ZNF503: variants seen among roughly 807,000 people sequenced by gnomAD.
ZNF503 encodes NocA-like zinc finger 2.
In ZNF503, 15 loss-of-function variants were observed where a neutral mutation model predicts 34.4. The ratio of observed to expected loss-of-function variants is 0.44; its 90% CI spans 0.29 to 0.67. ZNF503 has a LOEUF of 0.67. ZNF503 is among the 30% of genes least tolerant of loss of function. ZNF503 has a pLI of 0.13. For missense variants in ZNF503, 1,007 were observed against 926.8 expected, an observed-to-expected ratio of 1.09 and a Z score of -1.12; for synonymous variants, 580 against 456.8, an observed-to-expected ratio of 1.27 and a Z score of -3.44.
the ZNF503 span, chr10:75,373,266 G>C: frequency 5.9e-5 from 9 of 152,220 alleles, no homozygotes; most frequent in Non-Finnish European, 8.8e-5. Flanking sequence ...AGGCACAAAG[G>C]CCAGCCCTTT....
In ZNF503 at chr10:75,398,997, C is replaced by G. The variant is rs746442862; in HGVS notation, c.1693G>C (p.Ala565Pro). Residue 565 changes from alanine to proline, a missense_variant, in exon 2 of 2, where the codon GCC becomes CCC. By Grantham distance (27) the Ala-to-Pro change is conservative. Transcript: ENST00000372524. ...YPSSSSLASA[A>P]AAAMACHMHI... ...ATGTGGCAAGCCATGGCGGCCGCGG[C>G]AGCGCTGGCCAGAGACGACGAGCTG... 8.1e-6 allele frequency: 13 copies of G among 1,606,992 alleles called. No individual in the cohort carries two copies. Among genetic ancestry groups the G allele is most frequent in the Non-Finnish European group, 9.3e-6 (11 of 1,179,324 alleles).
chr10:75,361,691 G>C, the ZNF503 span: 1 of 152,170 alleles, frequency 6.6e-6, no homozygotes, highest in Non-Finnish European at 1.5e-5. Flanking sequence ...TTTCTTTTCA[G>C]ATGTGTGTCT....
chr10:75,389,598 C>T, the ZNF503 span, among the ~76,000 whole-genome samples: 9 of 152,182 alleles, frequency 5.9e-5, no homozygotes, highest in Non-Finnish European at 7.4e-5. Flanking sequence ...GATGTGGTGG[C>T]GCATGCCTGT....
Position 75,399,394 on chromosome 10 carries a change from G to C in ZNF503, c.1296C>G (p.Cys432Trp). Residue 432 changes from cysteine (C) to tryptophan (W), a missense_variant, in exon 2 of 2, where the codon TGC becomes TGG. By Grantham distance (215) the Cys-to-Trp change is radical (BLOSUM62 -2). Transcript: ENST00000372524. ...MTASLCRDPYCLSYHCASHLA... is the reference protein window; with the variant it reads ...MTASLCRDPYWLSYHCASHLA... ...GGTGGCTAGCGCAGTGGTAGCTGAG[G>C]CAGTAAGGGTCCCGGCACAAACTGG... is the stretch of plus-strand genomic sequence containing the variant. 1 of 1,605,976 alleles carries C rather than the reference G, an allele frequency of 6.2e-7. No individual in the cohort carries two copies.
chr10:75,280,901 C>T, the ZNF503 span, among the ~76,000 whole-genome samples: 1 of 152,002 alleles, frequency 6.6e-6, no homozygotes. Context: ...GTAGAATGTT[C>T]CAGGTGGAGG....
chr10:75,335,225 C>T, the ZNF503 span, among the ~76,000 whole-genome samples: 4 of 152,066 alleles, frequency 2.6e-5, no homozygotes, highest in East Asian at 1.9e-4. Flanking sequence ...TGTGTGTAAA[C>T]TTAGAAAAGT....
At chr10:75,378,854 ATT>A in the ZNF503 span, among the ~76,000 whole-genome samples, 1 of 152,030 alleles carries the variant, frequency 6.6e-6, no homozygotes. Flanking sequence ...TTTGGGGGCA[ATT>A]TATTCTCTTT....
chr10:75,401,344 C>A lies in ZNF503; in HGVS notation c.76G>T (p.Gly26Cys), dbSNP rs1359852448. The A allele has an allele frequency of 6.7e-7, 1 of 1,483,252 alleles. No individual in the cohort carries two copies. The highest frequency in any genetic ancestry group is 2.7e-5 in the African/African-American group (1 of 36,880). 91.9% of individuals were successfully genotyped at this position (1,483,252 alleles called of 1,614,324 possible). ...CTGGTCCAGGCAGGGTCTGCACCGC[C>A]GCCTCCGCCTCCGCCGCCGCCGCCG... ...SGGGGGGGGG[G>C]GADPAWTSAL... is the part of the protein sequence containing the mutation. Residue 26 changes from glycine to cysteine, a missense_variant, in exon 1 of 2, where the codon GGC (glycine) becomes TGC (cysteine). Coordinates refer to ENST00000372524, the MANE Select transcript of ZNF503 (RefSeq NM_032772.6).
At chr10:75,361,498 G>A in the ZNF503 span, 2 of 150,836 alleles carry the variant, frequency 1.3e-5, no homozygotes, top group South Asian at 4.1e-4. Flanking sequence ...GCCAAGTCAT[G>A]CATTTTTTAT....
At chr10:75,289,066 T>C in the ZNF503 span, among the ~76,000 whole-genome samples, 1 of 152,204 alleles carries the variant, frequency 6.6e-6, no homozygotes. Context: ...AGGGCGGCCC[T>C]GGAGGGTGAA....
downstream of ZNF503, among the ~76,000 whole-genome samples, chr10:75,393,460 G>A (rs1328305766): frequency 6.6e-6 from 1 of 152,216 alleles, no homozygotes; most frequent in Non-Finnish European, 1.5e-5. Context: ...GGAGGGGGTA[G>A]CGAGGAAATA....
chr10:75,376,941 G>T, the ZNF503 span, among the ~76,000 whole-genome samples: 4 of 152,298 alleles, frequency 2.6e-5, no homozygotes, highest in African/African-American at 9.6e-5. Context: ...GACATGTGGG[G>T]ATTATTACAA....
chr10:75,337,710 T>C, the ZNF503 span, among the ~76,000 whole-genome samples: 1 of 152,280 alleles, frequency 6.6e-6, no homozygotes. Context: ...TCTTTAGAAT[T>C]TTGCCAACCA....
At chr10:75,339,671 GGT>G in the ZNF503 span, among the ~76,000 whole-genome samples, 1 of 152,172 alleles carries the variant, frequency 6.6e-6, no homozygotes, top group Non-Finnish European at 1.5e-5. Context: ...CCTGTGCCTT[GGT>G]GATGCCCCAA....
At chr10:75,333,050 G>A in the ZNF503 span, among the ~76,000 whole-genome samples, 7 of 145,826 alleles carry the variant, frequency 4.8e-5, no homozygotes, top group South Asian at 2.2e-4. Context: ...CAGTAGGGGC[G>A]GCCGGGCAGA....
At chr10:75,363,376 C>A in the ZNF503 span, among the ~76,000 whole-genome samples, 1 of 152,108 alleles carries the variant, frequency 6.6e-6, no homozygotes, top group Non-Finnish European at 1.5e-5. Flanking sequence ...TCTGTGGGGT[C>A]CAGGAGCATC....
rs1315244309 is a variant in ZNF503 at position 75,398,823 on chromosome 10, T to C, written c.1867A>G (p.Thr623Ala). Residue 623 changes from threonine to alanine, a missense_variant, in exon 2 of 2, where the codon ACC (threonine) becomes GCC (alanine). Coordinates refer to ENST00000372524, the MANE Select transcript of ZNF503 (RefSeq NM_032772.6). Reference sequence around the variant, plus strand: ...GCGTAGGGGGAGTAGTACGGTCCGGTGGCGGCGGGCACCGGCACGGGGGCG... The same window carrying C: ...GCGTAGGGGGAGTAGTACGGTCCGGCGGCGGCGGGCACCGGCACGGGGGCG... ...PGAPVPVPAA[T>A]GPYYSPYALY... is the part of the protein sequence containing the mutation. 3.3e-6 allele frequency: 5 copies of C among 1,499,042 alleles called. No individual in the cohort carries two copies. The South Asian group carries it at 4.1e-5, about 12-fold the overall frequency. The allele number at this position is 1,499,042 out of a possible 1,614,324, so 92.9% of individuals were successfully genotyped here. A position where few individuals can be genotyped will look rare whatever the true frequency, so the allele number is the denominator to read the frequency against.
the ZNF503 span, among the ~76,000 whole-genome samples, chr10:75,344,357 C>T: frequency 6.6e-6 from 1 of 152,196 alleles, no homozygotes; most frequent in Non-Finnish European, 1.5e-5. Context: ...GTGCCTAGCC[C>T]CAGACAAGAA....
chr10:75,398,729 G>A lies in ZNF503; in HGVS notation c.*20C>T, dbSNP rs1427266395. 2 of 1,350,650 alleles carry A rather than the reference G, an allele frequency of 1.5e-6. No homozygotes were observed. Among genetic ancestry groups the A allele is most frequent in the Non-Finnish European group, 9.5e-7 (1 of 1,055,526 alleles). The allele number at this position is 1,350,650 out of a possible 1,614,324, so 83.7% of individuals were successfully genotyped here. ...CCTCCCCCTCTCCCTCCTCTCCCTC[G>A]CTCGCCCTCCCGGCCGCCCTCACTG... On this transcript the variant is annotated 3_prime_UTR_variant, in exon 2 of 2. Coordinates refer to ENST00000372524, the MANE Select transcript of ZNF503 (RefSeq NM_032772.6).
Sources: allele counts gnomAD v4.1 joint callset (sites outside exome capture counted in the v4.1 genomes callset), GRCh38; gene constraint gnomAD v4.1.1; transcripts MANE v1.5; gene names NCBI Gene and HGNC (gene_info 2026-07-23, HGNC 2026-07-21).